EXD2: variants seen among roughly 807,000 people sequenced by gnomAD.
The protein encoded by EXD2 is exonuclease 3'-5' domain-containing protein 2.
In EXD2, 40 loss-of-function variants were observed where a neutral mutation model predicts 62.5. The ratio of observed to expected loss-of-function variants is 0.64; its 90% CI spans 0.50 to 0.83. The LOEUF (loss-of-function observed/expected upper bound fraction) is 0.83, where lower values mean the gene tolerates loss of function less well. Among genes scored for constraint, EXD2 ranks in the 40% least tolerant of loss-of-function variants. The pLI is 0.00. For missense variants in EXD2, 671 were observed against 761.8 expected (o/e 0.88, Z 1.40); for synonymous variants, 239 against 291.9 (o/e 0.82, Z 1.85).
intron 1 of EXD2, among the ~76,000 whole-genome samples, chr14:69,193,754 C>T (rs2140170805): frequency 6.6e-6 from 1 of 151,936 alleles, no homozygotes; most frequent in South Asian, 2.1e-4. Flanking sequence ...TATTTTGTGG[C>T]TATCATTCCC....
chr14:69,209,833 A>C, intron 3 of EXD2, 30 bp downstream of exon 3: 1 of 1,423,616 alleles, frequency 7.0e-7, no homozygotes, highest in Non-Finnish European at 9.3e-7. Context: ...TTAAAAAAAA[A>C]AAAAAAAAAC....
chr14:69,235,808 T>A, intron 6 of EXD2: 1 of 517,496 alleles, frequency 1.9e-6, no homozygotes, highest in Admixed American at 3.1e-5. Context: ...CTCCCTAATG[T>A]CCTAGTCCAT....
intron 3 of EXD2, among the ~76,000 whole-genome samples, chr14:69,217,380 A>T (rs536555171): frequency 1.3e-5 from 2 of 152,204 alleles, no homozygotes; most frequent in Non-Finnish European, 2.9e-5. Context: ...GATTCCACAT[A>T]TGAGTGGGCT....
chr14:69,220,554 G>A (rs1247020366), intron 3 of EXD2, among the ~76,000 whole-genome samples: 1 of 145,782 alleles, frequency 6.9e-6, no homozygotes, highest in Non-Finnish European at 1.5e-5. Context: ...CACCGTGCTG[G>A]GCATTTTTTT....
intron 3 of EXD2, among the ~76,000 whole-genome samples, chr14:69,213,537 ATTT>A (rs746653694): frequency 2.9e-4 from 22 of 76,538 alleles, no homozygotes; most frequent in African/African-American, 7.0e-4. Flanking sequence ...CACCTGGATA[ATTT>A]TTTTTTTTTT....
chr14:69,220,742 G>A (rs930365804), intron 3 of EXD2, among the ~76,000 whole-genome samples: 7 of 151,918 alleles, frequency 4.6e-5, no homozygotes, highest in African/African-American at 1.7e-4. Context: ...GGTTGTGGGT[G>A]CCTGTAATCC....
intron 3 of EXD2, among the ~76,000 whole-genome samples, chr14:69,211,141 A>T (rs998780260): frequency 1.3e-5 from 2 of 152,214 alleles, no homozygotes; most frequent in Non-Finnish European, 2.9e-5. Flanking sequence ...TTTTACCCAC[A>T]GTAGAACTTC....
chr14:69,228,185 C>CTTTTTTTT (rs35695329), intron 3 of EXD2, among the ~76,000 whole-genome samples: 1 of 80,536 alleles, frequency 1.2e-5, no homozygotes, highest in Non-Finnish European at 2.1e-5. Flanking sequence ...TTTCCTTAGC[C>CTTTTTTTT]TTTTTTTTTT....
intron 6 of EXD2, 145 bp from the exon 7 acceptor site, chr14:69,235,901 C>T (rs879273928): frequency 7.6e-5 from 56 of 733,956 alleles, no homozygotes; most frequent in Admixed American, 6.6e-4. Flanking sequence ...AACATGGTTT[C>T]TCACTCTGTT....
At chr14:69,203,387 G>A (rs149239206) in intron 1 of EXD2, among the ~76,000 whole-genome samples, 15 of 152,070 alleles carry the variant, frequency 9.9e-5, no homozygotes, top group African/African-American at 2.9e-4. Context: ...CAAGTATTGC[G>A]TATAGACCTG....
intron 3 of EXD2, among the ~76,000 whole-genome samples, chr14:69,221,692 C>A (rs956251266): frequency 1.3e-5 from 2 of 151,722 alleles, no homozygotes; most frequent in African/African-American, 4.8e-5. Flanking sequence ...GGCTTGGGCC[C>A]AGGAGTTCAA....
chr14:69,204,275 A>G (rs1280732615), intron 2 of EXD2, among the ~76,000 whole-genome samples: 1 of 152,250 alleles, frequency 6.6e-6, no homozygotes, highest in African/African-American at 2.4e-5. Flanking sequence ...ATCATTAGGT[A>G]GCCGTTGATA....
chr14:69,236,852 C>T (rs543017876), intron 8 of EXD2, among the ~76,000 whole-genome samples: 2 of 152,336 alleles, frequency 1.3e-5, no homozygotes, highest in East Asian at 1.9e-4. Context: ...GTGTCCCTCT[C>T]ATCCTCTCTT....
intron 5 of EXD2, among the ~76,000 whole-genome samples, chr14:69,234,453 A>G (rs1018013250): frequency 2.6e-5 from 4 of 152,218 alleles, no homozygotes; most frequent in Non-Finnish European, 5.9e-5. Flanking sequence ...CATTTAGAGT[A>G]AGTCATTATT....
intron 3 of EXD2, 45 bp downstream of exon 3, chr14:69,209,848 T>TGG: frequency 8.4e-7 from 1 of 1,195,062 alleles, no homozygotes; most frequent in African/African-American, 1.5e-5. Flanking sequence ...AAAAACAACT[T>TGG]CTGCTTTTCC....
chr14:69,204,302 G>A (rs2042509828), intron 2 of EXD2, among the ~76,000 whole-genome samples: 1 of 152,120 alleles, frequency 6.6e-6, no homozygotes, highest in Non-Finnish European at 1.5e-5. Flanking sequence ...CAGGCATAAG[G>A]CTCACACCTA....
intron 3 of EXD2, among the ~76,000 whole-genome samples, chr14:69,214,844 TG>T (rs1421378835): frequency 6.6e-6 from 1 of 152,186 alleles, no homozygotes; most frequent in East Asian, 1.9e-4. Context: ...TGCTCTTTTT[TG>T]TCTTGCTTCT....
chr14:69,237,441 G>A (rs1028653588), intron 8 of EXD2, 134 bp from the exon 9 acceptor site: 2 of 744,470 alleles, frequency 2.7e-6, no homozygotes, highest in Non-Finnish European at 2.3e-6. Context: ...TCTGTGATCT[G>A]TGTTGGGCGG....
rs556357607 is a variant in EXD2, at chr14:69,243,076, T to C, written c.*1976T>C. 6.6e-6 allele frequency: 1 copy of C among 152,146 alleles called. No homozygotes were observed. The highest frequency in any genetic ancestry group is 2.4e-5 in the African/African-American group (1 of 41,418). 9.4% of individuals were successfully genotyped at this position (152,146 alleles called of 1,614,324 possible). A position where few individuals can be genotyped will look rare whatever the true frequency, so the allele number is the denominator to read the frequency against. ...CAGTAAAATAGAGCCAGCAGCAAAG[T>C]AGAGGAAAAAGCCAGACTGCGTCAC... On this transcript the variant is annotated 3_prime_UTR_variant, in exon 10 of 10. Transcript: ENST00000685843.
Sources: gnomAD v4.1 joint callset for allele counts (sites outside exome capture counted in the v4.1 genomes callset) on GRCh38, gnomAD v4.1.1 for gene constraint, MANE v1.5 for transcripts, NCBI Gene and HGNC (gene_info 2026-07-23, HGNC 2026-07-21) for gene names.